KAZN: variants seen among roughly 807,000 people sequenced by gnomAD.
The protein encoded by KAZN is kazrin.
Under a neutral mutation model 87.4 loss-of-function variants are expected in KAZN, and 40 were observed. The ratio of observed to expected loss-of-function variants is 0.46; its 90% confidence interval spans 0.36 to 0.60. KAZN has a LOEUF of 0.60. Ranked by LOEUF, KAZN falls within the 20% of genes least tolerant of loss-of-function variation. The pLI is 0.00. For missense variants in KAZN, 898 were observed against 1,073.9 expected (o/e 0.84, Z 2.29); for synonymous variants, 466 against 458.3 (o/e 1.02, Z -0.22).
At chr1:14,464,261 C>T (rs1668000080) in intron 2 of KAZN, among the ~76,000 whole-genome samples, 2 of 152,236 alleles carry the variant, frequency 1.3e-5, no homozygotes, top group South Asian at 4.1e-4. Context: ...ATGTGAGTTA[C>T]TTGGCTTGCA....
intron 2 of KAZN, among the ~76,000 whole-genome samples, chr1:14,302,403 GT>G (rs960631755): frequency 6.6e-5 from 10 of 152,212 alleles, no homozygotes; most frequent in African/African-American, 2.2e-4. Context: ...GGTGTCTCAA[GT>G]GGGGGTTTCT....
At chr1:14,832,047 T>C (rs1224262800) in intron 1 of KAZN, among the ~76,000 whole-genome samples, 2 of 151,880 alleles carry the variant, frequency 1.3e-5, no homozygotes, top group Non-Finnish European at 2.9e-5. Flanking sequence ...TACAAAAAAA[T>C]TAGCCAGGCA....
chr1:14,585,194 T>C (rs1030185274), intron 2 of KAZN, among the ~76,000 whole-genome samples: 4 of 152,240 alleles, frequency 2.6e-5, no homozygotes, highest in Non-Finnish European at 5.9e-5. Context: ...AATACATTTC[T>C]GTTGGTTAAG....
At chr1:14,673,784 C>T (rs989578760) in intron 1 of KAZN, among the ~76,000 whole-genome samples, 1 of 152,194 alleles carries the variant, frequency 6.6e-6, no homozygotes, top group East Asian at 1.9e-4. Context: ...CTTCCCCTTC[C>T]CTCCGTGTGC....
chr1:14,846,369 C>T (rs1486443429), intron 1 of KAZN, among the ~76,000 whole-genome samples: 1 of 152,008 alleles, frequency 6.6e-6, no homozygotes, highest in Non-Finnish European at 1.5e-5. Flanking sequence ...CCAAGTGTTC[C>T]TAGGCCACAA....
intron 2 of KAZN, among the ~76,000 whole-genome samples, chr1:14,283,245 G>A (rs1219823770): frequency 6.6e-6 from 1 of 152,074 alleles, no homozygotes; most frequent in Non-Finnish European, 1.5e-5. Flanking sequence ...AAGGCATTTT[G>A]TCAAGTCCCC....
At chr1:14,196,636 G>A (rs1646531791) in intron 2 of KAZN, among the ~76,000 whole-genome samples, 1 of 152,084 alleles carries the variant, frequency 6.6e-6, no homozygotes, top group Non-Finnish European at 1.5e-5. Flanking sequence ...AGAATCAAGA[G>A]TTTGGGTTGG....
chr1:14,085,404 T>A (rs1643824175), intron 1 of KAZN, among the ~76,000 whole-genome samples: 1 of 152,206 alleles, frequency 6.6e-6, no homozygotes, highest in South Asian at 2.1e-4. Context: ...GGAGCTTGCT[T>A]GTGTCCCTTT....
At chr1:13,905,736 G>C (rs887742902) in intron 1 of KAZN, among the ~76,000 whole-genome samples, 1 of 152,164 alleles carries the variant, frequency 6.6e-6, no homozygotes, top group Non-Finnish European at 1.5e-5. Context: ...CAAAATCTTA[G>C]TGTGTGCTAT....
intron 2 of KAZN, among the ~76,000 whole-genome samples, chr1:14,254,980 G>T (rs1017503303): frequency 6.6e-6 from 1 of 151,974 alleles, no homozygotes; most frequent in African/African-American, 2.4e-5. Context: ...AATTAGCCAG[G>T]TGTGGTGGCA....
chr1:14,748,705 T>C (rs1332257600), intron 1 of KAZN, among the ~76,000 whole-genome samples: 1 of 152,170 alleles, frequency 6.6e-6, no homozygotes. Flanking sequence ...TAATAGTTGA[T>C]GTTACAAAAG....
chr1:14,569,815 G>A (rs1017566110), intron 2 of KAZN, among the ~76,000 whole-genome samples: 14 of 151,902 alleles, frequency 9.2e-5, no homozygotes, highest in Non-Finnish European at 1.9e-4. Flanking sequence ...AGTTTCTGAT[G>A]AAATCCAGGA....
At chr1:15,061,607 C>T (rs930919175) in intron 6 of KAZN, 1 of 152,234 alleles carries the variant, frequency 6.6e-6, no homozygotes, top group Admixed American at 6.5e-5. Flanking sequence ...GCAACCAACA[C>T]CTTCCAGGCT....
At chr1:14,360,248 G>A (rs1309883922) in intron 2 of KAZN, among the ~76,000 whole-genome samples, 1 of 152,030 alleles carries the variant, frequency 6.6e-6, no homozygotes, top group African/African-American at 2.4e-5. Context: ...TGATACTTGT[G>A]TATGATTCTC....
At chr1:14,334,965 A>G (rs539561396) in intron 2 of KAZN, among the ~76,000 whole-genome samples, 1 of 152,280 alleles carries the variant, frequency 6.6e-6, no homozygotes, top group Admixed American at 6.5e-5. Context: ...AGAGAGTGAC[A>G]CAGATAGATA....
At chr1:14,084,196 CA>C (rs1643780734) in intron 1 of KAZN, among the ~76,000 whole-genome samples, 1 of 152,088 alleles carries the variant, frequency 6.6e-6, no homozygotes, top group Admixed American at 6.6e-5. Flanking sequence ...AAGGTAAAAT[CA>C]AGAAGACCAG....
At chr1:14,180,637 T>C (rs1199931512) in intron 2 of KAZN, 2 of 1,499,548 alleles carry the variant, frequency 1.3e-6, no homozygotes, top group Non-Finnish European at 1.8e-6. Flanking sequence ...AGGTGGAATC[T>C]TTTTTTCTTT....
intron 2 of KAZN, among the ~76,000 whole-genome samples, chr1:14,986,464 A>C (rs1666833928): frequency 6.6e-6 from 1 of 152,158 alleles, no homozygotes; most frequent in South Asian, 2.1e-4. Context: ...TGAATATTTT[A>C]ATATTAAGGC....
At chr1:14,630,122 CT>C (rs1437044697) in intron 1 of KAZN, among the ~76,000 whole-genome samples, 1 of 152,146 alleles carries the variant, frequency 6.6e-6, no homozygotes, top group Non-Finnish European at 1.5e-5. Context: ...TCTGTGGGCT[CT>C]ATAGAGGGAA....
Sources: allele counts gnomAD v4.1 joint callset (sites outside exome capture counted in the v4.1 genomes callset), GRCh38; gene constraint gnomAD v4.1.1; transcripts MANE v1.5; gene names NCBI Gene and HGNC (gene_info 2026-07-23, HGNC 2026-07-21).